The following AXIN1 variants were observed in gnomAD, a reference collection of about 807,000 sequenced individuals.
AXIN1 encodes axin 1.
A neutral mutation model predicts 76.4 loss-of-function variants in AXIN1; 30 were observed. The ratio of observed to expected loss-of-function variants is 0.39; its 90% CI spans 0.29 to 0.53. AXIN1 has a LOEUF of 0.53. AXIN1 is among the 20% of genes least tolerant of loss of function. The pLI is 0.66. For synonymous variants in AXIN1, 545 were observed against 501.4 expected (o/e 1.09, Z -1.16); for missense variants, 1,140 against 1,198.8 (o/e 0.95, Z 0.72).
At chr16:323,372 G>A (rs571101783) in intron 2 of AXIN1, among the ~76,000 whole-genome samples, 6 of 147,386 alleles carry the variant, frequency 4.1e-5, no homozygotes, top group Non-Finnish European at 7.4e-5. Context: ...CCAGGAGGCA[G>A]AGCTTGCAGT....
At chr16:310,548 C>T (rs959130357) in intron 3 of AXIN1, among the ~76,000 whole-genome samples, 2 of 152,198 alleles carry the variant, frequency 1.3e-5, no homozygotes, top group African/African-American at 2.4e-5. Context: ...AGGTGCCCGC[C>T]ACCACGCCCA....
In AXIN1 at chr16:328,515, G is replaced by A. The variant is rs183832448; in HGVS notation, c.879-13832C>T. Among the ~76,000 whole-genome samples the A allele has an allele frequency of 2.7e-5, 4 of 150,604 alleles. No individual in the cohort carries two copies. The East Asian group carries it at 6.0e-4, about 22-fold the overall frequency. Reference sequence around the variant, plus strand: ...GTTCGCAACCAGCCTGACCAACATGGAGAAACCCCATCTCTACTAAAAAAA... The same window carrying A: ...GTTCGCAACCAGCCTGACCAACATGAAGAAACCCCATCTCTACTAAAAAAA... On this transcript the variant is annotated intron_variant, in intron 2 of 10. Transcript: ENST00000262320.
intron 8 of AXIN1, chr16:291,534 A>G (rs1479497678): frequency 6.8e-6 from 4 of 587,888 alleles, no homozygotes; most frequent in Non-Finnish European, 1.2e-5. Flanking sequence ...CAACCCCCTG[A>G]GTTCCCTGGA....
At position 289,607 on chromosome 16, in the gene AXIN1, C is replaced by G. The variant is rs759916744; in HGVS notation, c.2295G>C (p.Glu765Asp). 2.5e-6 allele frequency: 4 copies of G among 1,612,732 alleles called. No homozygotes were observed. The highest frequency in any genetic ancestry group is 3.4e-6 in the Non-Finnish European group (4 of 1,179,906). ...AVSDMELSET[E>D]TRSQRKVGGG... ...CGCCCACCTTCCTCTGCGATCTTGTCCTGGGGAAAGAGATGCAGCGGTGGT... is the reference window on the plus strand; with the variant it reads ...CGCCCACCTTCCTCTGCGATCTTGTGCTGGGGAAAGAGATGCAGCGGTGGT... Residue 765 changes from glutamate (E) to aspartate (D), a missense_variant and splice_region_variant, in exon 10 of 11, where the codon GAG (glutamate) becomes GAC (aspartate). Coordinates refer to ENST00000262320, the MANE Select transcript of AXIN1 (RefSeq NM_003502.4).
chr16:351,995 T>C (rs2054155636), intron 1 of AXIN1, among the ~76,000 whole-genome samples: 1 of 152,116 alleles, frequency 6.6e-6, no homozygotes, highest in Non-Finnish European at 1.5e-5. Flanking sequence ...ACGCGGCTAC[T>C]CAGGCCGAAC....
rs2141510568 is a variant in AXIN1 at position 297,862 on chromosome 16, C to G, written c.1644G>C (p.Glu548Asp). 1 of 1,582,512 alleles carries G rather than the reference C, an allele frequency of 6.3e-7. No individual in the cohort carries two copies. The highest frequency in any genetic ancestry group is 8.6e-7 in the Non-Finnish European group (1 of 1,163,102). The change falls in exon 6 of 11, where the codon GAG (glutamate) becomes GAC (aspartate). Residue 548 changes from glutamate (E) to aspartate (D), a missense_variant. Glu to Asp is a conservative substitution (Grantham distance 45, BLOSUM62 2). This residue lies in a region of AXIN1 where 708 missense variants were observed against 776.9 expected (regional missense o/e 0.91). Coordinates refer to ENST00000262320, the MANE Select transcript of AXIN1 (RefSeq NM_003502.4). ...TGCGGGTGGCCTCGGCCTCCACCTG[C>G]TCCTTGGGCCGGGCTGTGCTGTGGT... The part of the protein sequence containing the change: ...HVHHSTARPK[E>D]QVEAEATRRA...
chr16:289,388 T>C (rs377421936), intron 10 of AXIN1, 52 bp downstream of exon 10: 9 of 1,607,710 alleles, frequency 5.6e-6, no homozygotes, highest in Admixed American at 1.7e-5. Flanking sequence ...TTCATACCGT[T>C]GGGCACCCAC....
chr16:306,354 C>T (rs2053025150), intron 4 of AXIN1, among the ~76,000 whole-genome samples: 1 of 152,202 alleles, frequency 6.6e-6, no homozygotes, highest in Admixed American at 6.5e-5. Context: ...CAATAACATC[C>T]TTCATAGCAA....
In AXIN1 at chr16:287,958, G is replaced by A; in HGVS notation, c.*164C>T. 2 of 1,183,338 alleles carry A rather than the reference G, an allele frequency of 1.7e-6. No homozygotes were observed. The highest frequency in any genetic ancestry group is 2.5e-6 in the Non-Finnish European group (2 of 811,890). 73.3% of individuals were successfully genotyped at this position (1,183,338 alleles called of 1,614,324 possible). ...CAGGACAGAAGCTTGTGGACCACTT[G>A]GAGGGACCCCCTACCTGCCTCTAGA... On this transcript the variant is annotated 3_prime_UTR_variant, in exon 11 of 11. Coordinates refer to ENST00000262320, the MANE Select transcript of AXIN1 (RefSeq NM_003502.4).
intron 2 of AXIN1, among the ~76,000 whole-genome samples, chr16:320,926 G>A (rs567603354): frequency 2.0e-5 from 3 of 151,962 alleles, no homozygotes; most frequent in South Asian, 4.2e-4. Flanking sequence ...TTTTAGTAGA[G>A]ACAAGGTTTC....
intron 4 of AXIN1, among the ~76,000 whole-genome samples, chr16:307,215 G>A (rs774732101): frequency 1.3e-5 from 2 of 152,130 alleles, no homozygotes; most frequent in East Asian, 1.9e-4. Flanking sequence ...AGAGCAGCAC[G>A]GCTGAGGGGC....
At chr16:340,218 G>A (rs1256350755) in intron 2 of AXIN1, among the ~76,000 whole-genome samples, 1 of 152,184 alleles carries the variant, frequency 6.6e-6, no homozygotes, top group Admixed American at 6.5e-5. Flanking sequence ...AGCAGCTCCA[G>A]GAACCAGCAG....
intron 3 of AXIN1, among the ~76,000 whole-genome samples, chr16:311,221 G>A (rs892875245): frequency 4.6e-5 from 7 of 151,544 alleles, no homozygotes; most frequent in Non-Finnish European, 8.8e-5. Flanking sequence ...TAGTAGAGAC[G>A]GGGTTTCACT....
chr16:308,588 C>T (rs974247025), intron 4 of AXIN1, among the ~76,000 whole-genome samples: 3 of 152,360 alleles, frequency 2.0e-5, no homozygotes, highest in African/African-American at 7.2e-5. Flanking sequence ...TCCGTCATCC[C>T]AGCGGCTCCG....
intron 2 of AXIN1, among the ~76,000 whole-genome samples, chr16:329,173 G>C (rs2053639514): frequency 6.7e-6 from 1 of 148,234 alleles, no homozygotes; most frequent in African/African-American, 2.5e-5. Flanking sequence ...ATCTACTCAA[G>C]AGCTGAGGCA....
rs367861174 is a variant in AXIN1 at position 291,314 on chromosome 16, G to A, written c.2187-17C>T. On this transcript the variant is annotated splice_polypyrimidine_tract_variant and intron_variant, in intron 8 of 10. Transcript: ENST00000262320. ...TGCACATACCTAGGGAACAACCCGC[G>A]TCAAAGGTGGCTGTGCCGGCGGCCA... 2.4e-5 allele frequency: 37 copies of A among 1,557,416 alleles called. No homozygotes were observed. The highest frequency in any genetic ancestry group is 2.7e-5 in the African/African-American group (2 of 73,926).
intron 2 of AXIN1, among the ~76,000 whole-genome samples, chr16:341,892 C>CT (rs1263372184): frequency 3.9e-5 from 6 of 152,226 alleles, no homozygotes; most frequent in African/African-American, 1.4e-4. Context: ...CTTGGAGAAC[C>CT]TTTGTGTGGA....
intron 2 of AXIN1, among the ~76,000 whole-genome samples, chr16:326,372 A>AAAAAAAAAAAAAAAAAAAAAAAAAATAT (rs1380874299): frequency 1.2e-5 from 1 of 86,470 alleles, no homozygotes; most frequent in African/African-American, 5.8e-5. Context: ...AAAAAAAAAA[A>AAAAAAAAAAAAAAAAAAAAAAAAAATAT]ATATATATAT....
At chr16:332,197 C>T (rs2053704976) in intron 2 of AXIN1, among the ~76,000 whole-genome samples, 1 of 152,194 alleles carries the variant, frequency 6.6e-6, no homozygotes, top group African/African-American at 2.4e-5. Flanking sequence ...CTGAGGGCCC[C>T]ACGGTCCAAG....
Sources: allele counts gnomAD v4.1 joint callset (sites outside exome capture counted in the v4.1 genomes callset), GRCh38; gene constraint gnomAD v4.1.1; regional missense constraint gnomAD v4.1.1; transcripts MANE v1.5; gene names NCBI Gene and HGNC (gene_info 2026-07-23, HGNC 2026-07-21).